The following UNC13C variants were observed in gnomAD, a reference collection of about 807,000 sequenced individuals.
UNC13C encodes the protein protein unc-13 homolog C.
UNC13C carries 174 observed loss-of-function variants against 245.4 expected under a neutral mutation model. That is an observed-to-expected ratio of 0.71 (90% CI 0.63 to 0.80). The LOEUF is 0.80. Among genes scored for constraint, UNC13C ranks in the 30% least tolerant of loss-of-function variants. The pLI is 0.00. For synonymous variants in UNC13C, 992 were observed against 895.1 expected (o/e 1.11, Z -1.93); for missense variants, 2,829 against 2,602.9 (o/e 1.09, Z -1.89).
intron 11 of UNC13C, among the ~76,000 whole-genome samples, chr15:54,296,150 A>G (rs7171614): frequency 0.081 from 12,289 of 152,164 alleles, 1,128 homozygotes; most frequent in East Asian, 0.21. Flanking sequence ...TGACCAAAAA[A>G]GACCCTAGGT....
At chr15:54,143,226 C>T (rs1281398426) in intron 3 of UNC13C, among the ~76,000 whole-genome samples, 186 bp downstream of exon 3, 1 of 152,092 alleles carries the variant, frequency 6.6e-6, no homozygotes, top group Non-Finnish European at 1.5e-5. Flanking sequence ...AGAGGTCACA[C>T]CTTGCCAGCT....
intron 17 of UNC13C, among the ~76,000 whole-genome samples, chr15:54,371,581 T>C (rs2039488032): frequency 6.6e-6 from 1 of 152,190 alleles, no homozygotes; most frequent in African/African-American, 2.4e-5. Flanking sequence ...TTTAATGTGA[T>C]ATAATTAAAA....
At chr15:54,456,009 C>T (rs1031814342) in intron 19 of UNC13C, among the ~76,000 whole-genome samples, 31 of 152,092 alleles carry the variant, frequency 2.0e-4, no homozygotes, top group African/African-American at 6.5e-4. Flanking sequence ...AGGTCATAGG[C>T]CTAAGTCTTT....
chr15:54,116,562 C>T (rs972412903), intron 2 of UNC13C, among the ~76,000 whole-genome samples: 1 of 152,114 alleles, frequency 6.6e-6, no homozygotes, highest in Non-Finnish European at 1.5e-5. Flanking sequence ...TTTCAGTAAT[C>T]ATAATAACTT....
intron 1 of UNC13C, among the ~76,000 whole-genome samples, chr15:53,992,222 A>T (rs1894424150): frequency 6.6e-6 from 1 of 152,004 alleles, no homozygotes; most frequent in Non-Finnish European, 1.5e-5. Flanking sequence ...CTCTCCATTG[A>T]TGTAGCACTG....
rs373202980 is a variant in UNC13C at position 54,089,293 on chromosome 15, C to T, written c.2984-53725C>T. ...TAGAACAAAGAAAGCTCTCTGTAGT[C>T]AGCAATTCATTATTTGGAAGAATGT... is the stretch of plus-strand genomic sequence containing the variant. On this transcript the variant is annotated intron_variant, in intron 2 of 32. Transcript: ENST00000260323. Among the ~76,000 whole-genome samples, 19 of 152,312 alleles carry T rather than the reference C, an allele frequency of 1.2e-4. No homozygotes were observed. The East Asian group carries it at 2.7e-3, about 22-fold the overall frequency.
At chr15:54,045,235 GTA>G (rs1896984254) in intron 2 of UNC13C, among the ~76,000 whole-genome samples, 1 of 151,994 alleles carries the variant, frequency 6.6e-6, no homozygotes, top group African/African-American at 2.4e-5. Flanking sequence ...TTTGCATATG[GTA>G]TAAAACAGGG....
chr15:53,968,886 C>A, the UNC13C span, among the ~76,000 whole-genome samples: 1 of 152,196 alleles, frequency 6.6e-6, no homozygotes, highest in South Asian at 2.1e-4. Context: ...TTGTCTTGTG[C>A]TCCTCTCATT....
chr15:54,576,232 G>A (rs1339577467), intron 30 of UNC13C, among the ~76,000 whole-genome samples: 1 of 152,162 alleles, frequency 6.6e-6, no homozygotes, highest in Non-Finnish European at 1.5e-5. Flanking sequence ...AAGGTAGTTG[G>A]TCAAGTAGGT....
intron 7 of UNC13C, among the ~76,000 whole-genome samples, chr15:54,242,107 G>A (rs2035869336): frequency 6.6e-6 from 1 of 152,084 alleles, no homozygotes; most frequent in African/African-American, 2.4e-5. Context: ...AGGTAAAAAT[G>A]ACTATGTTTT....
At position 54,018,305 on chromosome 15, in the gene UNC13C, A is replaced by G. The variant is rs1895750736; in HGVS notation, c.2983+2419A>G. Among the ~76,000 whole-genome samples the G allele has an allele frequency of 2.0e-5, 3 of 152,202 alleles. No homozygotes were observed. In the South Asian group the frequency reaches 6.2e-4, roughly 32 times the overall value. ...GGTAGCAGTGCTGTCTTTTCTCCAT[A>G]AGTAACCTTAGCCAGATTGGAGTGC... On this transcript the variant is annotated intron_variant, in intron 2 of 32. Transcript: ENST00000260323.
intron 17 of UNC13C, among the ~76,000 whole-genome samples, chr15:54,349,213 T>C (rs1211967400): frequency 6.6e-6 from 1 of 150,936 alleles, no homozygotes; most frequent in Non-Finnish European, 1.5e-5. Context: ...TCATGACTAG[T>C]ATATAAAATT....
chr15:54,616,935 T>C (rs966031574), intron 30 of UNC13C, among the ~76,000 whole-genome samples: 1 of 152,066 alleles, frequency 6.6e-6, no homozygotes, highest in Non-Finnish European at 1.5e-5. Flanking sequence ...TCTCTATGTT[T>C]AGCTATGTTT....
At chr15:53,873,655 G>A in the UNC13C span, among the ~76,000 whole-genome samples, 1 of 54,848 alleles carries the variant, frequency 1.8e-5, no homozygotes, top group African/African-American at 6.2e-5. Flanking sequence ...GATTCTCTTG[G>A]AGGCCCTCTC....
At chr15:54,505,407 G>A (rs1894428048) in intron 22 of UNC13C, among the ~76,000 whole-genome samples, 1 of 152,178 alleles carries the variant, frequency 6.6e-6, no homozygotes, top group African/African-American at 2.4e-5. Flanking sequence ...GACAGCTGGA[G>A]CCCACCTCTG....
At chr15:54,370,910 A>T (rs1321593156) in intron 17 of UNC13C, among the ~76,000 whole-genome samples, 1 of 152,172 alleles carries the variant, frequency 6.6e-6, no homozygotes, top group Non-Finnish European at 1.5e-5. Flanking sequence ...ACATGAAATC[A>T]CATGTTAGTG....
At chr15:53,956,997 T>C in the UNC13C span, among the ~76,000 whole-genome samples, 1 of 151,968 alleles carries the variant, frequency 6.6e-6, no homozygotes, top group African/African-American at 2.4e-5. Flanking sequence ...TTCAAAACAC[T>C]GATATTATCT....
Position 54,343,353 on chromosome 15 carries a change from G to A in UNC13C, c.4713+4864G>A, listed in dbSNP as rs143548830. Among the ~76,000 whole-genome samples, 595 of 152,006 alleles carry A rather than the reference G, an allele frequency of 3.9e-3. 25 individuals are homozygous for A. In the East Asian group the frequency reaches 0.084, roughly 22 times the overall value. ...TCACCACGTTAGCCAGGCTGGGCTC[G>A]AACTCCTGACCTCAGGGGATCCACC... On this transcript the variant is annotated intron_variant, in intron 17 of 32. Coordinates refer to ENST00000260323, the MANE Select transcript of UNC13C (RefSeq NM_001080534.3).
intron 1 of UNC13C, among the ~76,000 whole-genome samples, chr15:53,995,186 C>T (rs1277254167): frequency 6.6e-6 from 1 of 151,580 alleles, no homozygotes; most frequent in Non-Finnish European, 1.5e-5. Context: ...GGAATTAATG[C>T]AAAGAATAGA....
Sources: allele counts gnomAD v4.1 joint callset (sites outside exome capture counted in the v4.1 genomes callset), GRCh38; gene constraint gnomAD v4.1.1; transcripts MANE v1.5; gene names NCBI Gene and HGNC (gene_info 2026-07-23, HGNC 2026-07-21).